The following CHKA variants were observed in gnomAD, a reference collection of about 807,000 sequenced individuals.
CHKA encodes choline kinase alpha, also known as CHETK-alpha.
Under a neutral mutation model 60.1 loss-of-function variants are expected in CHKA, and 34 were observed. The observed-to-expected ratio is 0.57, with a 90% CI of 0.43 to 0.75. The LOEUF is 0.75. Among genes scored for constraint, CHKA ranks in the 30% least tolerant of loss-of-function variants. CHKA has a pLI of 0.00. For synonymous variants in CHKA, 217 were observed against 223.1 expected (o/e 0.97, Z 0.24); for missense variants, 563 against 561.3 (o/e 1.00, Z -0.03).
At chr11:68,054,564 A>G (rs1855934255) in intron 11 of CHKA, among the ~76,000 whole-genome samples, 1 of 152,200 alleles carries the variant, frequency 6.6e-6, no homozygotes, top group Admixed American at 6.5e-5. Context: ...TGTTTCTGCC[A>G]CTATTTTTCT....
At chr11:68,054,766 T>A (rs959080631) in intron 11 of CHKA, among the ~76,000 whole-genome samples, 11 of 152,220 alleles carry the variant, frequency 7.2e-5, no homozygotes, top group Admixed American at 3.9e-4. Flanking sequence ...CAGCCAGTTC[T>A]CCACCACCGC....
chr11:68,121,312 G>C lies in CHKA; in HGVS notation c.-135C>G, dbSNP rs1590894363. The C allele has an allele frequency of 4.1e-6, 2 of 491,980 alleles. No individual in the cohort carries two copies. The highest frequency in any genetic ancestry group is 5.2e-6 in the Non-Finnish European group (2 of 381,982). The allele number at this position is 491,980 out of a possible 1,614,324, so 30.5% of individuals were successfully genotyped here. A position where few individuals can be genotyped will look rare whatever the true frequency, so the allele number is the denominator to read the frequency against. ...GGGGGCCGCGGCGGTTGGGCGCGCG[G>C]GGCGGCGGCGGCGGCTGCGGCGACT... On this transcript the variant is annotated 5_prime_UTR_variant, in exon 1 of 12. Transcript: ENST00000265689.
chr11:68,099,823 C>G (rs1857643834), intron 1 of CHKA, among the ~76,000 whole-genome samples: 1 of 152,236 alleles, frequency 6.6e-6, no homozygotes, highest in South Asian at 2.1e-4. Flanking sequence ...AGATGAAGTA[C>G]TGTTCTAAAT....
intron 4 of CHKA, 97 bp downstream of exon 4, chr11:68,074,620 T>C: frequency 9.6e-7 from 1 of 1,046,434 alleles, no homozygotes; most frequent in African/African-American, 1.6e-5. Context: ...AGGTTAACAG[T>C]GAAAACACAG....
At chr11:68,080,599 G>A (rs2134589205) in intron 3 of CHKA, among the ~76,000 whole-genome samples, 1 of 152,276 alleles carries the variant, frequency 6.6e-6, no homozygotes, top group South Asian at 2.1e-4. Flanking sequence ...ACCTGCCTCA[G>A]CCTCCCAAAA....
At chr11:68,059,027 G>A (rs959362622) in intron 11 of CHKA, among the ~76,000 whole-genome samples, 2 of 152,148 alleles carry the variant, frequency 1.3e-5, no homozygotes, top group Non-Finnish European at 2.9e-5. Flanking sequence ...TTCCTGAGTA[G>A]CTGGGATTAC....
chr11:68,072,416 ACGTGCCTGTAGTCC>A (rs1856647932), intron 4 of CHKA, among the ~76,000 whole-genome samples: 1 of 152,048 alleles, frequency 6.6e-6, no homozygotes, highest in Non-Finnish European at 1.5e-5. Flanking sequence ...ACATGGTGGC[ACGTGCCTGTAGTCC>A]CAGCTACTCG....
At chr11:68,106,411 G>T (rs1403052893) in intron 1 of CHKA, among the ~76,000 whole-genome samples, 2 of 151,998 alleles carry the variant, frequency 1.3e-5, no homozygotes, top group Non-Finnish European at 2.9e-5. Context: ...AATTGGCCAG[G>T]CATGGTGGCA....
intron 11 of CHKA, among the ~76,000 whole-genome samples, chr11:68,060,193 A>G (rs12270493): frequency 0.41 from 61,548 of 150,336 alleles, 12,728 homozygotes; most frequent in African/African-American, 0.48. Context: ...AGGCCCAGCT[A>G]ATTTTTTTTT....
Position 68,070,995 on chromosome 11 carries a change from G to A in CHKA, c.631-138C>T, listed in dbSNP as rs187379814. ...AATGCCCCAAATTCCCTTAAGAATG[G>A]ACACTGTGTCCCTACAGACAGTGAC... On this transcript the variant is annotated intron_variant, in intron 4 of 11. Coordinates refer to ENST00000265689, the MANE Select transcript of CHKA (RefSeq NM_001277.3). The A allele has an allele frequency of 2.9e-5, 23 of 787,028 alleles. No homozygotes were observed. The African/African-American group carries it at 3.8e-4, about 13-fold the overall frequency. The allele number at this position is 787,028 out of a possible 1,614,324, so 48.8% of individuals were successfully genotyped here. A position where few individuals can be genotyped will look rare whatever the true frequency, so the allele number is the denominator to read the frequency against.
chr11:68,111,498 G>A (rs2153030793), intron 1 of CHKA, among the ~76,000 whole-genome samples: 1 of 151,794 alleles, frequency 6.6e-6, no homozygotes. Flanking sequence ...AGAATCACTT[G>A]AACCCGGGAG....
In CHKA at chr11:68,121,196, G is replaced by C; in HGVS notation, c.-19C>G. 8.6e-7 allele frequency: 1 copy of C among 1,161,854 alleles called. No homozygotes were observed. The highest frequency in any genetic ancestry group is 1.1e-6 in the Non-Finnish European group (1 of 941,472). 72.0% of individuals were successfully genotyped at this position (1,161,854 alleles called of 1,614,324 possible). ...TTTTCATGCCCGACAGGCGGCCGAG[G>C]AGGCGCGGGCGGCCGCAGCGCGAGA... is the stretch of plus-strand genomic sequence containing the variant. On this transcript the variant is annotated 5_prime_UTR_variant, in exon 1 of 12. Coordinates refer to ENST00000265689, the MANE Select transcript of CHKA (RefSeq NM_001277.3).
chr11:68,061,995 G>T lies in CHKA; in HGVS notation c.1272C>A (p.Ser424=). The change falls in exon 11 of 12, where the codon TCC becomes TCA. Residue 424 remains serine, a synonymous_variant. Transcript: ENST00000265689. ...LASHFLWGLW[S]IVQAKISSIE... ...TAGATGAAATCTTGGCTTGTACAAT[G>T]GACCACAGTCCCCAGAGGAAATGAG... is the stretch of plus-strand genomic sequence containing the variant. 1 of 1,599,306 alleles carries T rather than the reference G, an allele frequency of 6.3e-7. No homozygotes were observed. Among genetic ancestry groups the T allele is most frequent in the Admixed American group, 1.7e-5 (1 of 57,844 alleles).
At chr11:68,098,053 C>T (rs1198494777) in intron 1 of CHKA, among the ~76,000 whole-genome samples, 1 of 152,094 alleles carries the variant, frequency 6.6e-6, no homozygotes, top group Admixed American at 6.5e-5. Context: ...AGGTGGATCA[C>T]CTGAGGTCAA....
At chr11:68,082,474 C>T (rs1857018128) in intron 2 of CHKA, 1 of 152,592 alleles carries the variant, frequency 6.6e-6, no homozygotes, top group Non-Finnish European at 1.5e-5. Flanking sequence ...TTCTTGAACA[C>T]CCCATGAAAA....
intron 1 of CHKA, among the ~76,000 whole-genome samples, chr11:68,098,976 G>T (rs139733779): frequency 6.6e-6 from 1 of 152,174 alleles, no homozygotes; most frequent in Non-Finnish European, 1.5e-5. Context: ...CACCATGCCT[G>T]ACCTTATTTT....
At chr11:68,096,135 G>A (rs183224615) in intron 2 of CHKA, among the ~76,000 whole-genome samples, 21 of 151,966 alleles carry the variant, frequency 1.4e-4, no homozygotes, top group Non-Finnish European at 2.4e-4. Flanking sequence ...GGACCACGGC[G>A]GGTGGATCAC....
intron 1 of CHKA, among the ~76,000 whole-genome samples, chr11:68,099,592 C>T (rs868660367): frequency 7.2e-5 from 11 of 152,200 alleles, no homozygotes; most frequent in East Asian, 1.9e-4. Flanking sequence ...AGGCCGACAG[C>T]GTGTAGATCA....
At chr11:68,063,010 T>C (rs1856306385) in intron 10 of CHKA, among the ~76,000 whole-genome samples, 1 of 152,148 alleles carries the variant, frequency 6.6e-6, no homozygotes, top group Admixed American at 6.5e-5. Context: ...ACAGGCCTCT[T>C]GACTAAAGAG....
Sources: allele counts gnomAD v4.1 joint callset (sites outside exome capture counted in the v4.1 genomes callset), GRCh38; gene constraint gnomAD v4.1.1; transcripts MANE v1.5; gene names NCBI Gene and HGNC (gene_info 2026-07-23, HGNC 2026-07-21).